Variants in MAST1 observed in about 807,000 individuals in gnomAD.
MAST1 encodes microtubule associated serine/threonine kinase 1.
In MAST1, 40 loss-of-function variants were observed where a neutral mutation model predicts 124.6. That is an observed-to-expected ratio of 0.32 (90% confidence interval 0.25 to 0.42). MAST1 has a LOEUF of 0.42. Among genes scored for constraint, MAST1 ranks in the 10% least tolerant of loss-of-function variants. MAST1 has a pLI of 1.00. For missense variants in MAST1, 1,558 were observed against 2,181.9 expected, an observed-to-expected ratio of 0.71 and a Z score of 5.70; for synonymous variants, 938 against 939.4, an observed-to-expected ratio of 1.00 and a Z score of 0.03.
intron 12 of MAST1, among the ~76,000 whole-genome samples, chr19:12,859,784 C>T (rs569128292): frequency 5.7e-4 from 85 of 149,418 alleles, no homozygotes; most frequent in African/African-American, 2.0e-3. Context: ...GAGATCATGC[C>T]ATTGCACTCC....
At position 12,868,739 on chromosome 19, in the gene MAST1, G is replaced by A. The variant is rs139255849; in HGVS notation, c.2663G>A (p.Arg888Gln). 4.0e-5 allele frequency: 65 copies of A among 1,612,930 alleles called. No homozygotes were observed. The highest frequency in any genetic ancestry group is 9.3e-5 in the African/African-American group (7 of 74,928). Residue 888 changes from arginine to glutamine, a missense_variant, in exon 21 of 26, where the codon CGG becomes CAG. Physicochemically the swap from Arg to Gln is conservative, Grantham distance 43. Transcript: ENST00000251472. ...ATNDLVLRRA[R>Q]HQQMSGDVAV... ...AATGACTTGGTTCTGCGCCGGGCGC[G>A]GCACCAGCAGATGTCAGGGGATGTG...
chr19:12,852,595 T>C (rs1969976222), intron 10 of MAST1, among the ~76,000 whole-genome samples, 200 bp downstream of exon 10: 1 of 151,940 alleles, frequency 6.6e-6, no homozygotes, highest in African/African-American at 2.4e-5. Flanking sequence ...TCCCAGCACT[T>C]TGGGAGGCCA....
Position 12,843,532 on chromosome 19 carries a change from G to T in MAST1, c.252G>T (p.Ala84=). 1 of 1,613,312 alleles carries T rather than the reference G, an allele frequency of 6.2e-7. No individual in the cohort carries two copies. Among genetic ancestry groups the T allele is most frequent in the Non-Finnish European group, 8.5e-7 (1 of 1,179,780 alleles). The change falls in exon 4 of 26, where the codon GCG becomes GCT. Residue 84 remains alanine, a synonymous_variant. Coordinates refer to ENST00000251472, the MANE Select transcript of MAST1 (RefSeq NM_014975.3). The surrounding 1 kb of genome is among the most constrained non-coding windows in gnomAD (Gnocchi z 4.9). ...GAGCACCTTGGCTGGGTTCCAGGGCGGACGGACGCCGGTGGTCTCTGGCCT... is the reference window on the plus strand; with the variant it reads ...GAGCACCTTGGCTGGGTTCCAGGGCTGACGGACGCCGGTGGTCTCTGGCCT... The part of the protein sequence containing the change: ...AHFSFASSRR[A]DGRRWSLASL...
chr19:12,842,082 C>CGTGCCT (rs1251096876), intron 3 of MAST1, among the ~76,000 whole-genome samples: 8 of 152,058 alleles, frequency 5.3e-5, no homozygotes, highest in Non-Finnish European at 8.8e-5. Context: ...TGAGGGATTA[C>CGTGCCT]GTGCCTATGC....
At chr19:12,840,143 G>T (rs1344478249) in intron 1 of MAST1, among the ~76,000 whole-genome samples, 12 of 152,216 alleles carry the variant, frequency 7.9e-5, no homozygotes. Flanking sequence ...CGCATAGACT[G>T]AGACACGCTC....
At chr19:12,868,931 C>T in intron 21 of MAST1, 82 bp downstream of exon 21, 2 of 1,538,572 alleles carry the variant, frequency 1.3e-6, no homozygotes, top group Non-Finnish European at 1.8e-6. Context: ...TGCATTTTCC[C>T]TGTCCACCGT....
In MAST1 at chr19:12,865,896, G is replaced by A; in HGVS notation, c.1906+78G>A. ...CAAAACCCCAGGCCCAGCCTGTGCT[G>A]TGGCCCCGGGGCGGAAGACATGGGG... On this transcript the variant is annotated intron_variant, in intron 16 of 25. Transcript: ENST00000251472. This position sits in a 1 kb window ranked among gnomAD's most constrained non-coding sequence, Gnocchi z 7.1. The A allele has an allele frequency of 1.2e-6, 2 of 1,603,856 alleles. No individual in the cohort carries two copies. Among genetic ancestry groups the A allele is most frequent in the Admixed American group, 3.4e-5 (2 of 59,700 alleles).
rs1335606038 is a variant in MAST1 at position 12,865,681 on chromosome 19, A to G, written c.1805-36A>G. On this transcript the variant is annotated intron_variant, in intron 15 of 25. Coordinates refer to ENST00000251472, the MANE Select transcript of MAST1 (RefSeq NM_014975.3). This position sits in a 1 kb window ranked among gnomAD's most constrained non-coding sequence, Gnocchi z 7.1. The stretch of plus-strand genomic sequence containing the variant: ...ATCCTGTGTCCAAACAACAACAACA[A>G]CAAAAACCGCCCCTAAGTTCCGTTT... 1 of 1,564,658 alleles carries G rather than the reference A, an allele frequency of 6.4e-7. No individual in the cohort carries two copies. Among genetic ancestry groups the G allele is most frequent in the Non-Finnish European group, 8.7e-7 (1 of 1,145,272 alleles).
Position 12,866,812 on chromosome 19 carries a change from G to A in MAST1, c.2139+50G>A. 1 of 1,464,306 alleles carries A rather than the reference G, an allele frequency of 6.8e-7. No individual in the cohort carries two copies. The highest frequency in any genetic ancestry group is 1.2e-5 in the South Asian group (1 of 85,104). 90.7% of individuals were successfully genotyped at this position (1,464,306 alleles called of 1,614,324 possible). On this transcript the variant is annotated intron_variant, in intron 18 of 25. Transcript: ENST00000251472. This position sits in a 1 kb window ranked among gnomAD's most constrained non-coding sequence, Gnocchi z 5.2. ...AGGGCGAGACCCCAGGAGGGATGGG[G>A]CTTGGAGAGACAGTGAGAAACAGGT... is the stretch of plus-strand genomic sequence containing the variant.
intron 7 of MAST1, 91 bp from the exon 8 acceptor site, chr19:12,851,843 T>C: frequency 1.1e-6 from 1 of 924,400 alleles, no homozygotes; most frequent in Non-Finnish European, 1.7e-6. Context: ...GATGGGACAG[T>C]AGCAGCAGTA....
intron 20 of MAST1, among the ~76,000 whole-genome samples, chr19:12,868,352 GC>G (rs1002467704): frequency 4.3e-4 from 66 of 152,012 alleles, no homozygotes; most frequent in African/African-American, 1.6e-3. Flanking sequence ...CAAGTGATCT[GC>G]CTTCCTTGGC....
In MAST1 at chr19:12,840,431, T is replaced by C; in HGVS notation, c.84-15T>C. 1 of 1,598,972 alleles carries C rather than the reference T, an allele frequency of 6.3e-7. No homozygotes were observed. The highest frequency in any genetic ancestry group is 8.6e-7 in the Non-Finnish European group (1 of 1,167,628). Reference sequence around the variant, plus strand: ...TGCGGCCCGGCCCGGCCCCCCTGCCTTACCTTCCCCGCAGCTGCCGCACCA... The same window carrying C: ...TGCGGCCCGGCCCGGCCCCCCTGCCCTACCTTCCCCGCAGCTGCCGCACCA... On this transcript the variant is annotated splice_polypyrimidine_tract_variant and intron_variant, in intron 1 of 25. Coordinates refer to ENST00000251472, the MANE Select transcript of MAST1 (RefSeq NM_014975.3).
chr19:12,862,193 C>T (rs1599586824), intron 12 of MAST1, among the ~76,000 whole-genome samples: 1 of 151,498 alleles, frequency 6.6e-6, no homozygotes, highest in Non-Finnish European at 1.5e-5. Flanking sequence ...TTAGTAGAGA[C>T]GGATTTTCAC....
rs1174439232 is a variant in MAST1, at chr19:12,852,392, T to G, written c.1074T>G (p.Ser358=). The G allele has an allele frequency of 1.2e-6, 2 of 1,611,614 alleles. No individual in the cohort carries two copies. The highest frequency in any genetic ancestry group is 1.7e-6 in the Non-Finnish European group (2 of 1,178,564). The change falls in exon 10 of 26, where the codon TCT becomes TCG. Residue 358 remains serine (S), a synonymous_variant. Coordinates refer to ENST00000251472, the MANE Select transcript of MAST1 (RefSeq NM_014975.3). ...ACACCCCTGAGCAAGACGATCTCTC[T>G]GAGGTAAGGCTGGGTGGCTAAGCGG... The part of the protein sequence containing the change: ...GSNTPEQDDL[S]EGRSSKAKKP...
chr19:12,839,452 A>C (rs1046836662), intron 1 of MAST1, among the ~76,000 whole-genome samples: 1 of 152,242 alleles, frequency 6.6e-6, no homozygotes, highest in Non-Finnish European at 1.5e-5. Context: ...ATGTCACAAC[A>C]CACGATGTCA....
Position 12,865,955 on chromosome 19 carries a change from G to A in MAST1, c.1907-25G>A, listed in dbSNP as rs747390857. 4 of 1,613,234 alleles carry A rather than the reference G, an allele frequency of 2.5e-6. No individual in the cohort carries two copies. The highest frequency in any genetic ancestry group is 1.3e-5 in the African/African-American group (1 of 74,814). On this transcript the variant is annotated intron_variant, in intron 16 of 25. Transcript: ENST00000251472. The surrounding 1 kb of genome is among the most constrained non-coding windows in gnomAD (Gnocchi z 7.1). ...TGGGCTGCTGGGTTGGCCATCAGCT[G>A]TGGCTGGAATCCCTTCCGTCCCAGG...
At position 12,840,411 on chromosome 19, in the gene MAST1, C is replaced by T. The variant is rs747684531; in HGVS notation, c.84-35C>T. ...GGCTCAAGAACTCACTGGGCTGCGG[C>T]CCGGCCCGGCCCCCCTGCCTTACCT... On this transcript the variant is annotated intron_variant, in intron 1 of 25. Transcript: ENST00000251472. 4.9e-6 allele frequency: 7 copies of T among 1,437,160 alleles called. No individual in the cohort carries two copies. In the South Asian group the frequency reaches 5.8e-5, roughly 12 times the overall value. 89.0% of individuals were successfully genotyped at this position (1,437,160 alleles called of 1,614,324 possible).
At chr19:12,845,595 A>T (rs1969883778) in intron 4 of MAST1, among the ~76,000 whole-genome samples, 1 of 151,610 alleles carries the variant, frequency 6.6e-6, no homozygotes, top group East Asian at 1.9e-4. Flanking sequence ...AAATAAAAAA[A>T]AATAAAATAA....
chr19:12,860,583 T>TACAG (rs1394773127), intron 12 of MAST1, among the ~76,000 whole-genome samples: 2 of 151,584 alleles, frequency 1.3e-5, no homozygotes, highest in Non-Finnish European at 2.9e-5. Context: ...TAGCTGGGAT[T>TACAG]ACAGGTGTGT....
Sources: allele counts gnomAD v4.1 joint callset (sites outside exome capture counted in the v4.1 genomes callset), GRCh38; gene constraint gnomAD v4.1.1; non-coding constraint Gnocchi (gnomAD v3.1); transcripts MANE v1.5; gene names NCBI Gene and HGNC (gene_info 2026-07-23, HGNC 2026-07-21).